UBASH3B: variants seen among roughly 807,000 people sequenced by gnomAD.
UBASH3B encodes the protein ubiquitin associated and SH3 domain containing B, also known as ubiquitin-associated and SH3 domain-containing protein B.
In UBASH3B, 37 loss-of-function variants were observed where a neutral mutation model predicts 83.4. The ratio of observed to expected loss-of-function variants is 0.44; its 90% CI spans 0.34 to 0.58. The LOEUF (loss-of-function observed/expected upper bound fraction) is 0.58. Among genes scored for constraint, UBASH3B ranks in the 20% least tolerant of loss-of-function variants. UBASH3B has a pLI of 0.01. For synonymous variants in UBASH3B, 304 were observed against 318.3 expected (o/e 0.96, Z 0.48); for missense variants, 657 against 827.2 (o/e 0.79, Z 2.52).
At chr11:122,742,904 C>A (rs1355699742) in intron 1 of UBASH3B, among the ~76,000 whole-genome samples, 1 of 152,196 alleles carries the variant, frequency 6.6e-6, no homozygotes, top group African/African-American at 2.4e-5. Context: ...GTGACCCCAC[C>A]TCCTGAACAC....
intron 1 of UBASH3B, among the ~76,000 whole-genome samples, chr11:122,748,351 T>C (rs1229096451): frequency 1.3e-5 from 2 of 152,222 alleles, no homozygotes; most frequent in Non-Finnish European, 2.9e-5. Flanking sequence ...TGAACCCCCA[T>C]GTATCTTCAT....
At chr11:122,718,467 C>T (rs1860563616) in intron 1 of UBASH3B, among the ~76,000 whole-genome samples, 2 of 152,028 alleles carry the variant, frequency 1.3e-5, no homozygotes, top group Admixed American at 6.5e-5. Flanking sequence ...CATCTCCAGC[C>T]GTGTGACCTT....
chr11:122,699,266 A>G (rs1300760172), intron 1 of UBASH3B, among the ~76,000 whole-genome samples: 2 of 152,218 alleles, frequency 1.3e-5, no homozygotes, highest in East Asian at 3.9e-4. Context: ...GGCAACACTC[A>G]GTGTCTTACA....
chr11:122,762,896 T>C (rs971611542), intron 1 of UBASH3B, among the ~76,000 whole-genome samples: 2 of 152,252 alleles, frequency 1.3e-5, no homozygotes, highest in African/African-American at 2.4e-5. Context: ...ATTGATTAGA[T>C]AATAATGCAC....
chr11:122,782,941 G>T lies in UBASH3B; in HGVS notation c.602-112G>T, dbSNP rs368484039. ...GAGAGAAACGTCTTTTGTCTTCTTT[G>T]TTATGTGGGAAGCAGAATTTCTCAG... On this transcript the variant is annotated intron_variant, in intron 4 of 13. Transcript: ENST00000284273. The T allele has an allele frequency of 3.8e-6, 5 of 1,300,230 alleles. No individual in the cohort carries two copies. In the East Asian group the frequency reaches 9.4e-5, roughly 25 times the overall value. The allele number at this position is 1,300,230 out of a possible 1,614,324, so 80.5% of individuals were successfully genotyped here.
intron 11 of UBASH3B, among the ~76,000 whole-genome samples, chr11:122,804,407 C>G (rs1167952956): frequency 2.0e-5 from 3 of 152,106 alleles, no homozygotes; most frequent in Non-Finnish European, 2.9e-5. Flanking sequence ...GAACGGCATC[C>G]TTCCCCTGGA....
chr11:122,797,146 T>C, intron 9 of UBASH3B, 113 bp downstream of exon 9: 1 of 1,409,628 alleles, frequency 7.1e-7, no homozygotes, highest in South Asian at 1.4e-5. Flanking sequence ...TTCCTACAAG[T>C]TTCCTCAATT....
rs752965204 is a variant in UBASH3B at position 122,796,267 on chromosome 11, G to C, written c.1225G>C (p.Asp409His). 10 of 1,613,948 alleles carry C rather than the reference G, an allele frequency of 6.2e-6. No homozygotes were observed. The highest frequency in any genetic ancestry group is 8.5e-6 in the Non-Finnish European group (10 of 1,179,964). Residue 409 changes from aspartate (D) to histidine (H), a missense_variant, in exon 8 of 14, where the codon GAT becomes CAT. By Grantham distance (81) the Asp-to-His change is moderately conservative. Coordinates refer to ENST00000284273, the MANE Select transcript of UBASH3B (RefSeq NM_032873.5). ...FGKYWLSQCFDAKGRYIRTNL... is the reference protein window; with the variant it reads ...FGKYWLSQCFHAKGRYIRTNL... ...GAAGTACTGGCTGTCCCAGTGCTTC[G>C]ATGCCAAAGGTGAGTTGGTGGTGGG...
intron 1 of UBASH3B, among the ~76,000 whole-genome samples, chr11:122,681,984 G>A (rs972288279): frequency 3.3e-5 from 5 of 152,106 alleles, no homozygotes; most frequent in African/African-American, 1.2e-4. Context: ...TGCCACCCAG[G>A]GTGGCCCAGC....
At position 122,740,524 on chromosome 11, in the gene UBASH3B, C is replaced by T. The variant is rs1861007223; in HGVS notation, c.162-35695C>T. Among the ~76,000 whole-genome samples the T allele has an allele frequency of 2.0e-5, 3 of 152,192 alleles. No individual in the cohort carries two copies. In the South Asian group the frequency reaches 6.2e-4, roughly 32 times the overall value. On this transcript the variant is annotated intron_variant, in intron 1 of 13. Coordinates refer to ENST00000284273, the MANE Select transcript of UBASH3B (RefSeq NM_032873.5). ...AGTACTTGTTTTATTTCACTTGATG[C>T]ACACGGCAACCATATGAGGCAGTCC... is the stretch of plus-strand genomic sequence containing the variant.
At chr11:122,702,744 C>T (rs909937556) in intron 1 of UBASH3B, among the ~76,000 whole-genome samples, 6 of 152,040 alleles carry the variant, frequency 3.9e-5, no homozygotes, top group African/African-American at 1.2e-4. Flanking sequence ...AGGCTGGTCT[C>T]TAACTCCTGA....
At chr11:122,779,004 G>A (rs528520664) in intron 3 of UBASH3B, among the ~76,000 whole-genome samples, 9 of 152,176 alleles carry the variant, frequency 5.9e-5, no homozygotes, top group African/African-American at 1.9e-4. Flanking sequence ...CAAGCTAATT[G>A]TACATGCATT....
intron 1 of UBASH3B, among the ~76,000 whole-genome samples, chr11:122,693,098 T>C (rs1168247819): frequency 6.6e-6 from 1 of 152,068 alleles, no homozygotes; most frequent in East Asian, 1.9e-4. Context: ...CAAAGAACCT[T>C]CTCAAGGGTG....
At chr11:122,718,797 A>C (rs1860574159) in intron 1 of UBASH3B, among the ~76,000 whole-genome samples, 1 of 152,166 alleles carries the variant, frequency 6.6e-6, no homozygotes, top group Non-Finnish European at 1.5e-5. Context: ...AATCTGACAC[A>C]ATTCCTCCAC....
At chr11:122,723,123 G>A (rs1303207953) in intron 1 of UBASH3B, among the ~76,000 whole-genome samples, 1 of 152,080 alleles carries the variant, frequency 6.6e-6, no homozygotes, top group Non-Finnish European at 1.5e-5. Context: ...AGATTCCTGG[G>A]CTCCTCCTGG....
intron 1 of UBASH3B, among the ~76,000 whole-genome samples, chr11:122,738,552 G>A (rs533484559): frequency 1.1e-3 from 161 of 152,310 alleles, no homozygotes; most frequent in African/African-American, 3.5e-3. Flanking sequence ...GCAATGGTCA[G>A]GAAGAGGCAG....
At chr11:122,720,646 G>T (rs1005387406) in intron 1 of UBASH3B, among the ~76,000 whole-genome samples, 7 of 152,082 alleles carry the variant, frequency 4.6e-5, no homozygotes, top group Non-Finnish European at 8.8e-5. Flanking sequence ...TCTATTCTTT[G>T]TTCCTTGAAT....
intron 1 of UBASH3B, among the ~76,000 whole-genome samples, chr11:122,725,342 A>AAAAAAAAAAAAAAAAAAAAAAAG (rs71281633): frequency 2.3e-5 from 3 of 130,776 alleles, no homozygotes; most frequent in Non-Finnish European, 4.9e-5. Flanking sequence ...AAAAAAAAAA[A>AAAAAAAAAAAAAAAAAAAAAAAG]AAGAAAAGAA....
intron 1 of UBASH3B, among the ~76,000 whole-genome samples, chr11:122,666,132 A>C (rs575377364): frequency 6.6e-6 from 1 of 152,348 alleles, no homozygotes; most frequent in East Asian, 1.9e-4. Flanking sequence ...AGGCAGCTGC[A>C]TGCTCCCGAT....
Sources: gnomAD v4.1 joint callset for allele counts (sites outside exome capture counted in the v4.1 genomes callset) on GRCh38, gnomAD v4.1.1 for gene constraint, MANE v1.5 for transcripts, NCBI Gene and HGNC (gene_info 2026-07-23, HGNC 2026-07-21) for gene names.